MBNL1: variants seen among roughly 807,000 people sequenced by gnomAD.
MBNL1 encodes muscleblind-like protein 1.
A neutral mutation model predicts 42.2 loss-of-function variants in MBNL1; 8 were observed. That is an observed-to-expected ratio of 0.19 (90% CI 0.11 to 0.34). MBNL1 has a LOEUF of 0.34. Ranked by LOEUF, MBNL1 falls within the 10% of genes least tolerant of loss-of-function variation. The probability of loss-of-function intolerance (pLI) is 1.00; values close to 1 mark genes in which losing one functional copy is unlikely to be tolerated. For synonymous variants in MBNL1, 169 were observed against 173.9 expected (o/e 0.97, Z 0.22); for missense variants, 309 against 495.3 (o/e 0.62, Z 3.57).
chr3:152,368,725 T>G (rs1337032259), intron 2 of MBNL1, among the ~76,000 whole-genome samples: 1 of 152,228 alleles, frequency 6.6e-6, no homozygotes, highest in African/African-American at 2.4e-5. Context: ...GAAGAGGTCC[T>G]TCACATTCCT....
intron 2 of MBNL1, among the ~76,000 whole-genome samples, chr3:152,251,792 T>C (rs2034589092): frequency 6.6e-6 from 1 of 151,966 alleles, no homozygotes; most frequent in South Asian, 2.1e-4. Flanking sequence ...CTAGTCAAGG[T>C]GTTGTCTGAT....
intron 2 of MBNL1, among the ~76,000 whole-genome samples, chr3:152,408,719 G>A (rs1056174632): frequency 1.3e-5 from 2 of 151,790 alleles, no homozygotes; most frequent in African/African-American, 2.4e-5. Flanking sequence ...TCCATGAGGT[G>A]TAAAGTGGCG....
At chr3:152,281,102 G>A (rs780740097) in intron 1 of MBNL1, among the ~76,000 whole-genome samples, 3 of 152,132 alleles carry the variant, frequency 2.0e-5, no homozygotes, top group African/African-American at 4.8e-5. Flanking sequence ...TACTTTCTTC[G>A]TAGGAACTTA....
At chr3:152,263,640 T>C (rs370593309), upstream of MBNL1, 18 of 152,358 alleles carry the variant, frequency 1.2e-4, no homozygotes, top group African/African-American at 3.6e-4. Context: ...GTGGACTTCA[T>C]GCAGTCTCTT....
In MBNL1 at chr3:152,340,841, C is replaced by G. The variant is rs1291002388; in HGVS notation, c.174+40474C>G. ...TAACCACTGATCCCACCTAAAGCAG[C>G]CAGTGCTGCATAGACAAAGCCAAGC... On this transcript the variant is annotated intron_variant, in intron 2 of 9. Coordinates refer to ENST00000324210, the MANE Select transcript of MBNL1 (RefSeq NM_021038.5). 5 of 1,613,904 alleles carry G rather than the reference C, an allele frequency of 3.1e-6. No homozygotes were observed. In the East Asian group the frequency reaches 8.9e-5, roughly 29 times the overall value.
intron 2 of MBNL1, among the ~76,000 whole-genome samples, chr3:152,345,236 T>C (rs890129286): frequency 1.3e-5 from 2 of 152,148 alleles, no homozygotes; most frequent in African/African-American, 4.8e-5. Flanking sequence ...CCTTTACACA[T>C]GAAATAACTT....
intron 2 of MBNL1, among the ~76,000 whole-genome samples, chr3:152,314,437 G>A (rs1038420256): frequency 6.6e-6 from 1 of 151,230 alleles, no homozygotes; most frequent in Non-Finnish European, 1.5e-5. Flanking sequence ...GTACAATAGC[G>A]TGATCTTGGC....
intron 2 of MBNL1, among the ~76,000 whole-genome samples, chr3:152,408,649 T>G (rs918849400): frequency 6.6e-6 from 1 of 151,768 alleles, no homozygotes; most frequent in Admixed American, 6.6e-5. Flanking sequence ...TACTAGATAC[T>G]GGTATAACTG....
intron 6 of MBNL1, 43 bp downstream of exon 6, chr3:152,447,816 A>G (rs371848494): frequency 7.0e-5 from 111 of 1,588,230 alleles, no homozygotes; most frequent in Middle Eastern, 1.7e-4. Context: ...GATGATCTAC[A>G]GAGAGTCCTA....
chr3:152,276,260 A>G (rs2045124548), intron 1 of MBNL1, among the ~76,000 whole-genome samples: 1 of 152,300 alleles, frequency 6.6e-6, no homozygotes, highest in Middle Eastern at 3.4e-3. Flanking sequence ...AACATCTTTG[A>G]ATACTTTCTG....
At chr3:152,403,626 C>G (rs941920163) in intron 2 of MBNL1, among the ~76,000 whole-genome samples, 4 of 151,844 alleles carry the variant, frequency 2.6e-5, no homozygotes, top group African/African-American at 9.7e-5. Flanking sequence ...GGGGAACTGC[C>G]CTAGAAAACC....
intron 2 of MBNL1, among the ~76,000 whole-genome samples, chr3:152,254,780 CT>C (rs1297390239): frequency 6.6e-6 from 1 of 152,092 alleles, no homozygotes; most frequent in East Asian, 1.9e-4. Context: ...TCGTGTTAAA[CT>C]TTTTTTGTAT....
intron 2 of MBNL1, among the ~76,000 whole-genome samples, chr3:152,325,899 C>A (rs1234340959): frequency 1.3e-5 from 2 of 151,874 alleles, no homozygotes; most frequent in East Asian, 3.8e-4. Context: ...ATAACAACCC[C>A]CTCCATATAT....
intron 2 of MBNL1, among the ~76,000 whole-genome samples, chr3:152,324,214 A>G (rs565904407): frequency 6.6e-6 from 1 of 152,306 alleles, no homozygotes; most frequent in East Asian, 1.9e-4. Flanking sequence ...TACCTTGAGG[A>G]ATGTCTATGA....
rs531636010 is a variant in MBNL1, at chr3:152,299,793, T to G, written c.-401T>G. 3.0e-5 allele frequency: 12 copies of G among 402,120 alleles called. No homozygotes were observed. The highest frequency in any genetic ancestry group is 5.3e-5 in the Non-Finnish European group (12 of 228,372). 24.9% of individuals were successfully genotyped at this position (402,120 alleles called of 1,614,324 possible). A position where few individuals can be genotyped will look rare whatever the true frequency, so the allele number is the denominator to read the frequency against. ...TGAGGAGATTCCCTTTCAGACAACT[T>G]TGCTGAAAGCAGCTTGGAAATTCGG... On this transcript the variant is annotated 5_prime_UTR_variant, in exon 2 of 10. Coordinates refer to ENST00000324210, the MANE Select transcript of MBNL1 (RefSeq NM_021038.5).
At chr3:152,424,685 G>T (rs1157589091) in intron 3 of MBNL1, among the ~76,000 whole-genome samples, 1 of 152,034 alleles carries the variant, frequency 6.6e-6, no homozygotes, top group African/African-American at 2.4e-5. Context: ...ATACTACAAG[G>T]CTACAGTAAC....
intron 2 of MBNL1, among the ~76,000 whole-genome samples, chr3:152,399,385 C>T (rs2098120459): frequency 6.6e-6 from 1 of 152,116 alleles, no homozygotes; most frequent in Non-Finnish European, 1.5e-5. Flanking sequence ...GTTCTGCTTT[C>T]TCTTTTGCAT....
At chr3:152,380,845 A>G (rs140821398) in intron 2 of MBNL1, among the ~76,000 whole-genome samples, 2 of 152,176 alleles carry the variant, frequency 1.3e-5, no homozygotes, top group Admixed American at 1.3e-4. Flanking sequence ...TTTTTGTGGC[A>G]CTACACACAC....
chr3:152,274,934 G>A (rs960316410), intron 1 of MBNL1, among the ~76,000 whole-genome samples: 3 of 152,044 alleles, frequency 2.0e-5, no homozygotes, highest in African/African-American at 7.2e-5. Flanking sequence ...GAGGACTTAA[G>A]CAGTTCATAT....
Sources: allele counts gnomAD v4.1 joint callset (sites outside exome capture counted in the v4.1 genomes callset), GRCh38; gene constraint gnomAD v4.1.1; transcripts MANE v1.5; gene names NCBI Gene and HGNC (gene_info 2026-07-23, HGNC 2026-07-21).